LRRC49: variants seen among roughly 807,000 people sequenced by gnomAD.
The protein encoded by LRRC49 is leucine rich repeat containing 49.
In LRRC49, 50 loss-of-function variants were observed where a neutral mutation model predicts 83.3. The observed-to-expected ratio is 0.60, with a 90% CI of 0.48 to 0.76. LRRC49 has a LOEUF of 0.76. Ranked by LOEUF, LRRC49 falls within the 30% of genes least tolerant of loss-of-function variation. The pLI, the probability that LRRC49 is intolerant of heterozygous loss-of-function variation, is 0.00. For synonymous variants in LRRC49, 286 were observed against 283.3 expected (o/e 1.01, Z -0.10); for missense variants, 704 against 809.1 (o/e 0.87, Z 1.58).
intron 9 of LRRC49, among the ~76,000 whole-genome samples, chr15:70,966,120 GC>G: frequency 6.6e-6 from 1 of 152,220 alleles, no homozygotes; most frequent in Middle Eastern, 3.4e-3. Flanking sequence ...GTTTGCTGAT[GC>G]CAGTAACTAT....
At chr15:70,871,454 A>C (rs1481220750) in intron 1 of LRRC49, among the ~76,000 whole-genome samples, 1 of 151,926 alleles carries the variant, frequency 6.6e-6, no homozygotes, top group Non-Finnish European at 1.5e-5. Flanking sequence ...CCCGCTCTCA[A>C]TGAGCTGTTG....
At chr15:70,991,859 A>G (rs189904942) in intron 11 of LRRC49, among the ~76,000 whole-genome samples, 2 of 152,348 alleles carry the variant, frequency 1.3e-5, no homozygotes, top group Admixed American at 1.3e-4. Context: ...CAAAAAATAT[A>G]TAGTAAAGGA....
chr15:70,987,036 C>T (rs995661086), intron 11 of LRRC49, among the ~76,000 whole-genome samples: 4 of 152,110 alleles, frequency 2.6e-5, no homozygotes, highest in Admixed American at 6.5e-5. Flanking sequence ...ATTCGGTTTG[C>T]CAGTATTTTA....
intron 14 of LRRC49, among the ~76,000 whole-genome samples, chr15:71,024,700 T>C (rs2039104991): frequency 1.3e-5 from 2 of 151,016 alleles, no homozygotes; most frequent in African/African-American, 4.9e-5. Context: ...CTAGAATGCC[T>C]CTCCTCCTCC....
intron 8 of LRRC49, among the ~76,000 whole-genome samples, chr15:70,955,696 C>T (rs189087299): frequency 4.6e-5 from 7 of 152,186 alleles, no homozygotes; most frequent in East Asian, 3.9e-4. Flanking sequence ...TTGGTTCCTA[C>T]GTTTATTTAT....
intron 1 of LRRC49, among the ~76,000 whole-genome samples, chr15:70,866,492 A>G (rs1473628662): frequency 6.6e-6 from 1 of 152,162 alleles, no homozygotes; most frequent in African/African-American, 2.4e-5. Flanking sequence ...GGTAATTTCC[A>G]TACCCCTGTT....
intron 14 of LRRC49, among the ~76,000 whole-genome samples, chr15:71,013,434 TTG>T (rs1204433176): frequency 6.6e-6 from 1 of 152,222 alleles, no homozygotes; most frequent in Non-Finnish European, 1.5e-5. Context: ...AAATGAAAAC[TTG>T]TGTTTTGTAA....
At chr15:70,918,306 T>C (rs1195184318) in intron 6 of LRRC49, 1 of 152,280 alleles carries the variant, frequency 6.6e-6, no homozygotes, top group East Asian at 1.9e-4. Flanking sequence ...GTAGGCAAAA[T>C]GAGCCCAGCG....
At chr15:70,946,534 A>C (rs1486210742) in intron 8 of LRRC49, among the ~76,000 whole-genome samples, 1 of 152,152 alleles carries the variant, frequency 6.6e-6, no homozygotes, top group Non-Finnish European at 1.5e-5. Flanking sequence ...GTTATTGTGA[A>C]TAATGCTGCA....
intron 6 of LRRC49, among the ~76,000 whole-genome samples, chr15:70,912,294 T>C (rs1261171524): frequency 6.6e-6 from 1 of 152,170 alleles, no homozygotes; most frequent in East Asian, 1.9e-4. Flanking sequence ...TTTGCTATTA[T>C]GAATAGTACT....
intron 9 of LRRC49, among the ~76,000 whole-genome samples, chr15:70,966,651 A>T (rs943276848): frequency 6.6e-6 from 1 of 152,130 alleles, no homozygotes; most frequent in Non-Finnish European, 1.5e-5. Context: ...AATTGCTACT[A>T]AAGTGCTAGA....
intron 14 of LRRC49, among the ~76,000 whole-genome samples, chr15:71,028,506 T>C (rs1461165043): frequency 6.6e-6 from 1 of 152,220 alleles, no homozygotes; most frequent in Non-Finnish European, 1.5e-5. Context: ...TTTGGAATAG[T>C]TTCAGAAGGA....
intron 11 of LRRC49, among the ~76,000 whole-genome samples, chr15:70,995,288 C>T (rs2038036962): frequency 6.6e-6 from 1 of 152,004 alleles, no homozygotes; most frequent in Non-Finnish European, 1.5e-5. Flanking sequence ...AAATGAGGAG[C>T]ATATAAAGTA....
At chr15:70,977,703 A>G (rs2037256303) in intron 9 of LRRC49, among the ~76,000 whole-genome samples, 1 of 152,180 alleles carries the variant, frequency 6.6e-6, no homozygotes, top group African/African-American at 2.4e-5. Context: ...CTTTAAATTC[A>G]CTAAAATTAC....
At chr15:70,970,019 T>C (rs1451889687) in intron 9 of LRRC49, among the ~76,000 whole-genome samples, 1 of 152,190 alleles carries the variant, frequency 6.6e-6, no homozygotes, top group African/African-American at 2.4e-5. Flanking sequence ...CTATGTTGAA[T>C]AGGAGTGGTG....
rs2039977830 is a variant in LRRC49 at position 71,050,366 on chromosome 15, G to A, written c.*754G>A. ...TCTCTGAAAGATGTTTCCTTCCATT[G>A]TTAGCTCTCAAATGCTCTTTTAATA... On this transcript the variant is annotated 3_prime_UTR_variant, in exon 16 of 16. Coordinates refer to ENST00000260382, the MANE Select transcript of LRRC49 (RefSeq NM_017691.5). 6.6e-6 allele frequency: 1 copy of A among 152,178 alleles called. No homozygotes were observed. Among genetic ancestry groups the A allele is most frequent in the Non-Finnish European group, 1.5e-5 (1 of 68,034 alleles). 9.4% of individuals were successfully genotyped at this position (152,178 alleles called of 1,614,324 possible).
chr15:71,033,824 T>C lies in LRRC49; in HGVS notation c.1704-3355T>C, dbSNP rs570784462. On this transcript the variant is annotated intron_variant, in intron 14 of 15. Coordinates refer to ENST00000260382, the MANE Select transcript of LRRC49 (RefSeq NM_017691.5). Reference sequence around the variant, plus strand: ...ATTTAATAAATAGTACTGGGAAAACTGGCTAGCCATATGCAGAAAATTGAA... The same window carrying C: ...ATTTAATAAATAGTACTGGGAAAACCGGCTAGCCATATGCAGAAAATTGAA... Among the ~76,000 whole-genome samples, 269 of 152,318 alleles carry C rather than the reference T, an allele frequency of 1.8e-3. 1 individual carries two copies. Among genetic ancestry groups the C allele is most frequent in the African/African-American group, 5.9e-3 (246 of 41,568 alleles).
intron 14 of LRRC49, among the ~76,000 whole-genome samples, chr15:71,021,543 C>A (rs541733337): frequency 6.6e-6 from 1 of 152,086 alleles, no homozygotes; most frequent in Non-Finnish European, 1.5e-5. Flanking sequence ...TGACAAACAC[C>A]CCAAATCTTA....
At chr15:70,890,277 T>C (rs969567390), upstream of LRRC49, among the ~76,000 whole-genome samples, 20 of 152,304 alleles carry the variant, frequency 1.3e-4, no homozygotes, top group South Asian at 2.1e-4. Flanking sequence ...TGGATGTATA[T>C]GTTTGGGCAA....
Sources: allele counts gnomAD v4.1 joint callset (sites outside exome capture counted in the v4.1 genomes callset), GRCh38; gene constraint gnomAD v4.1.1; transcripts MANE v1.5; gene names NCBI Gene and HGNC (gene_info 2026-07-23, HGNC 2026-07-21).